The following SCFD2 variants were observed in gnomAD, a reference collection of about 807,000 sequenced individuals.
SCFD2 encodes the protein sec1 family domain-containing protein 2.
A neutral mutation model predicts 58.9 loss-of-function variants in SCFD2; 54 were observed. That is an observed-to-expected ratio of 0.92 (90% confidence interval 0.74 to 1.15). SCFD2 has a LOEUF of 1.15. Among genes scored for constraint, SCFD2 ranks in the 50% most tolerant of loss-of-function variants. The probability of loss-of-function intolerance (pLI) is 0.00; values close to 1 mark genes in which losing one functional copy is unlikely to be tolerated. For synonymous variants in SCFD2, 321 were observed against 335.9 expected (o/e 0.96, Z 0.49); for missense variants, 805 against 836.6 (o/e 0.96, Z 0.47).
intron 4 of SCFD2, among the ~76,000 whole-genome samples, chr4:53,214,484 C>T (rs536655774): frequency 6.6e-6 from 1 of 152,002 alleles, no homozygotes; most frequent in Non-Finnish European, 1.5e-5. Context: ...ATATCCTTGG[C>T]CCACTTTTTG....
chr4:52,974,522 A>T (rs1721198891), intron 5 of SCFD2, among the ~76,000 whole-genome samples: 2 of 152,210 alleles, frequency 1.3e-5, no homozygotes, highest in Non-Finnish European at 2.9e-5. Flanking sequence ...ATAAAAGAGG[A>T]TACAAACAAA....
At chr4:53,312,984 G>A (rs1204568017) in intron 3 of SCFD2, among the ~76,000 whole-genome samples, 2 of 151,136 alleles carry the variant, frequency 1.3e-5, no homozygotes, top group African/African-American at 4.9e-5. Flanking sequence ...TAAAATCAAC[G>A]CATTACTTCT....
intron 4 of SCFD2, among the ~76,000 whole-genome samples, chr4:53,217,975 C>A (rs1728909362): frequency 6.6e-6 from 1 of 152,202 alleles, no homozygotes; most frequent in Admixed American, 6.5e-5. Flanking sequence ...TTGGCCCCCA[C>A]TCTCTTCTGG....
chr4:53,238,412 CT>C (rs1316926573), intron 4 of SCFD2, among the ~76,000 whole-genome samples: 11 of 146,696 alleles, frequency 7.5e-5, no homozygotes, highest in African/African-American at 2.5e-4. Flanking sequence ...GCTGACCCCC[CT>C]ACCTCCCTCC....
intron 5 of SCFD2, among the ~76,000 whole-genome samples, chr4:53,048,956 A>G (rs1448589102): frequency 6.6e-6 from 1 of 151,970 alleles, no homozygotes; most frequent in African/African-American, 2.4e-5. Flanking sequence ...CAAATAAATA[A>G]ATAAATAAAT....
chr4:52,992,263 G>A (rs926232461), intron 5 of SCFD2, among the ~76,000 whole-genome samples: 4 of 152,196 alleles, frequency 2.6e-5, no homozygotes, highest in South Asian at 2.1e-4. Context: ...TCCTAACCGC[G>A]AGTGATCTGC....
intron 3 of SCFD2, among the ~76,000 whole-genome samples, chr4:53,313,132 C>CTGG (rs1732740678): frequency 1.3e-5 from 2 of 151,992 alleles, no homozygotes; most frequent in African/African-American, 4.8e-5. Context: ...TATGTAATTC[C>CTGG]TGGTGAAGAA....
At chr4:53,246,778 G>A (rs1477111904) in intron 4 of SCFD2, among the ~76,000 whole-genome samples, 2 of 152,010 alleles carry the variant, frequency 1.3e-5, no homozygotes, top group African/African-American at 2.4e-5. Context: ...CATTCTGGAC[G>A]TAGGAACTGG....
chr4:53,069,420 T>C (rs1300162284), intron 5 of SCFD2, among the ~76,000 whole-genome samples: 4 of 152,040 alleles, frequency 2.6e-5, no homozygotes, highest in Non-Finnish European at 5.9e-5. Context: ...CAGCCCACCA[T>C]GGGCTGCATA....
At chr4:53,312,355 C>T (rs1732717465) in intron 3 of SCFD2, among the ~76,000 whole-genome samples, 1 of 152,088 alleles carries the variant, frequency 6.6e-6, no homozygotes, top group Admixed American at 6.6e-5. Context: ...AATTCCAGTC[C>T]TACCACTTAT....
At chr4:52,981,913 T>G (rs1721383093) in intron 5 of SCFD2, among the ~76,000 whole-genome samples, 1 of 152,130 alleles carries the variant, frequency 6.6e-6, no homozygotes, top group Non-Finnish European at 1.5e-5. Flanking sequence ...TCTTACAGTG[T>G]GCAGACATGT....
At chr4:53,158,629 T>C (rs1244254184) in intron 4 of SCFD2, among the ~76,000 whole-genome samples, 1 of 152,282 alleles carries the variant, frequency 6.6e-6, no homozygotes, top group Non-Finnish European at 1.5e-5. Context: ...ATTACCATCA[T>C]CTCTAGCCAC....
intron 7 of SCFD2, among the ~76,000 whole-genome samples, chr4:52,888,056 G>A (rs545620505): frequency 1.5e-3 from 225 of 151,436 alleles, no homozygotes; most frequent in Non-Finnish European, 1.7e-3. Flanking sequence ...GACTACAGGC[G>A]CCCGCCACCG....
intron 3 of SCFD2, among the ~76,000 whole-genome samples, chr4:53,307,694 G>A (rs934815361): frequency 6.6e-6 from 1 of 152,168 alleles, no homozygotes; most frequent in Non-Finnish European, 1.5e-5. Flanking sequence ...ACTTACAAAT[G>A]TAGGGACTTA....
intron 2 of SCFD2, among the ~76,000 whole-genome samples, chr4:53,314,458 C>A (rs1263836181): frequency 6.6e-6 from 1 of 152,278 alleles, no homozygotes; most frequent in East Asian, 1.9e-4. Flanking sequence ...CATGCTATGT[C>A]CAAATTATAA....
chr4:53,159,140 G>A (rs1478238236), intron 4 of SCFD2, among the ~76,000 whole-genome samples: 3 of 151,916 alleles, frequency 2.0e-5, no homozygotes, highest in Non-Finnish European at 4.4e-5. Context: ...AGTTGGTATT[G>A]AAATCATACT....
At chr4:53,253,109 A>C (rs1311871630) in intron 4 of SCFD2, among the ~76,000 whole-genome samples, 1 of 152,270 alleles carries the variant, frequency 6.6e-6, no homozygotes, top group Non-Finnish European at 1.5e-5. Context: ...AAAAGAAGAC[A>C]TTTATGCAGC....
At chr4:52,940,516 G>T (rs570966223) in intron 5 of SCFD2, among the ~76,000 whole-genome samples, 1 of 152,306 alleles carries the variant, frequency 6.6e-6, no homozygotes, top group Non-Finnish European at 1.5e-5. Context: ...TCTAACTATA[G>T]AAGGGTTAAT....
intron 4 of SCFD2, among the ~76,000 whole-genome samples, chr4:53,182,243 C>A (rs1727587490): frequency 6.6e-6 from 1 of 152,214 alleles, no homozygotes; most frequent in Non-Finnish European, 1.5e-5. Flanking sequence ...TGCTACCTGA[C>A]TTCAAACTAT....
Sources: allele counts gnomAD v4.1 joint callset (sites outside exome capture counted in the v4.1 genomes callset), GRCh38; gene constraint gnomAD v4.1.1; transcripts MANE v1.5; gene names NCBI Gene and HGNC (gene_info 2026-07-23, HGNC 2026-07-21).